ACER3: variants seen among roughly 807,000 people sequenced by gnomAD.
ACER3 encodes the protein alkCDase 3.
A neutral mutation model predicts 48.9 loss-of-function variants in ACER3; 16 were observed. The observed-to-expected ratio is 0.33, with a 90% CI of 0.22 to 0.50. ACER3 has a LOEUF of 0.50. Among genes scored for constraint, ACER3 ranks in the 20% least tolerant of loss-of-function variants. The probability of loss-of-function intolerance (pLI) is 0.98; values close to 1 mark genes in which losing one functional copy is unlikely to be tolerated. For synonymous variants in ACER3, 109 were observed against 107.8 expected (o/e 1.01, Z -0.07); for missense variants, 227 against 326.0 (o/e 0.70, Z 2.34).
intron 1 of ACER3, among the ~76,000 whole-genome samples, chr11:76,896,127 T>C (rs972473980): frequency 1.3e-5 from 2 of 152,204 alleles, no homozygotes; most frequent in African/African-American, 4.8e-5. Flanking sequence ...TTTTTAATTA[T>C]TGCCCCTTTA....
At position 76,933,522 on chromosome 11, in the gene ACER3, A is replaced by G. The variant is rs532394421; in HGVS notation, c.214+6855A>G. The stretch of plus-strand genomic sequence containing the variant: ...CTGCCTTCAAGCATCTGTTTAACAA[A>G]GCACATCTTGCACCGTCCTTAATCC... On this transcript the variant is annotated intron_variant, in intron 2 of 10. Coordinates refer to ENST00000532485, the MANE Select transcript of ACER3 (RefSeq NM_018367.7). Among the ~76,000 whole-genome samples the G allele has an allele frequency of 3.3e-4, 50 of 151,808 alleles. No individual in the cohort carries two copies. The East Asian group carries it at 9.1e-3, about 28-fold the overall frequency.
At chr11:76,999,925 T>C (rs1321236161) in intron 7 of ACER3, among the ~76,000 whole-genome samples, 1 of 152,160 alleles carries the variant, frequency 6.6e-6, no homozygotes, top group Non-Finnish European at 1.5e-5. Context: ...ACAATTGTAA[T>C]GCAGGTTTTT....
At chr11:76,924,085 G>C (rs560903054) in intron 1 of ACER3, among the ~76,000 whole-genome samples, 1 of 152,014 alleles carries the variant, frequency 6.6e-6, no homozygotes, top group African/African-American at 2.4e-5. Context: ...CCAAGGTCCC[G>C]CTGGGTACTC....
chr11:76,937,492 A>G (rs1471912839), intron 2 of ACER3, among the ~76,000 whole-genome samples: 1 of 152,232 alleles, frequency 6.6e-6, no homozygotes, highest in Non-Finnish European at 1.5e-5. Flanking sequence ...AAACTGGTAT[A>G]TGTACATCAC....
chr11:76,980,746 G>A (rs1948566378), intron 4 of ACER3, among the ~76,000 whole-genome samples: 1 of 152,134 alleles, frequency 6.6e-6, no homozygotes, highest in South Asian at 2.1e-4. Flanking sequence ...GAAGGATACT[G>A]ATAATGTAGA....
intron 2 of ACER3, among the ~76,000 whole-genome samples, chr11:76,953,279 T>C (rs898189050): frequency 6.6e-5 from 10 of 152,150 alleles, no homozygotes; most frequent in Non-Finnish European, 1.3e-4. Context: ...AAACAATCTT[T>C]TGGGATGCAG....
intron 2 of ACER3, among the ~76,000 whole-genome samples, chr11:76,937,960 T>C (rs541716196): frequency 6.8e-4 from 104 of 152,298 alleles, no homozygotes; most frequent in Non-Finnish European, 1.3e-3. Flanking sequence ...GGTATAGCAA[T>C]TCTGAAGCTG....
intron 1 of ACER3, among the ~76,000 whole-genome samples, chr11:76,903,101 A>G (rs902782818): frequency 2.0e-5 from 3 of 152,204 alleles, no homozygotes; most frequent in East Asian, 1.9e-4. Context: ...TAATTTTTTT[A>G]TATTTCCAAG....
chr11:76,879,131 G>GT (rs921008631), intron 1 of ACER3, among the ~76,000 whole-genome samples: 3 of 151,924 alleles, frequency 2.0e-5, no homozygotes, highest in African/African-American at 7.2e-5. Context: ...TTTTAAAGGT[G>GT]TTTTTTTGAT....
At chr11:76,957,942 A>T (rs55956901) in intron 2 of ACER3, among the ~76,000 whole-genome samples, 85,301 of 150,136 alleles carry the variant, frequency 0.57, 27,379 homozygotes, top group Non-Finnish European at 0.73. Context: ...GAATCTTTTT[A>T]TTTTTTAATT....
chr11:76,940,410 G>A (rs1047967448), intron 2 of ACER3, among the ~76,000 whole-genome samples: 3 of 152,074 alleles, frequency 2.0e-5, no homozygotes, highest in African/African-American at 7.2e-5. Flanking sequence ...TGGGAAATGG[G>A]TTAAAATATT....
chr11:76,976,876 G>C (rs909456694), intron 4 of ACER3, among the ~76,000 whole-genome samples: 3 of 152,052 alleles, frequency 2.0e-5, no homozygotes, highest in Admixed American at 2.0e-4. Flanking sequence ...CAGCTTACAG[G>C]CCATTCCCAA....
At chr11:76,864,669 G>A (rs1430808846) in intron 1 of ACER3, among the ~76,000 whole-genome samples, 2 of 139,056 alleles carry the variant, frequency 1.4e-5, no homozygotes, top group African/African-American at 2.6e-5. Flanking sequence ...TCGCGATCTC[G>A]GCTCACTGCA....
intron 1 of ACER3, among the ~76,000 whole-genome samples, chr11:76,874,011 G>A (rs918118344): frequency 3.9e-5 from 6 of 152,140 alleles, no homozygotes; most frequent in African/African-American, 1.4e-4. Flanking sequence ...TTTAGGTAGT[G>A]CAGAATATTC....
chr11:76,883,088 G>A (rs991202718), intron 1 of ACER3, among the ~76,000 whole-genome samples: 1 of 152,236 alleles, frequency 6.6e-6, no homozygotes, highest in East Asian at 1.9e-4. Flanking sequence ...CTTATCCCAA[G>A]GCTAAAAGCT....
At position 77,025,781 on chromosome 11, in the gene ACER3, A is replaced by C. The variant is rs1404897573; in HGVS notation, c.*5454A>C. 3 of 152,214 alleles carry C rather than the reference A, an allele frequency of 2.0e-5. No homozygotes were observed. Among genetic ancestry groups the C allele is most frequent in the Non-Finnish European group, 4.4e-5 (3 of 68,052 alleles). The allele number at this position is 152,214 out of a possible 1,614,324, so 9.4% of individuals were successfully genotyped here. On this transcript the variant is annotated 3_prime_UTR_variant, in exon 11 of 11. Transcript: ENST00000532485. ...CTGTATGTAGCCTGCAAAGCCTAAAATGTTTACTCTCTGGCTTGGGAGTTT... is the reference window on the plus strand; with the variant it reads ...CTGTATGTAGCCTGCAAAGCCTAAACTGTTTACTCTCTGGCTTGGGAGTTT...
chr11:76,926,309 G>A (rs4488228), intron 1 of ACER3, among the ~76,000 whole-genome samples: 86,888 of 151,940 alleles, frequency 0.57, 28,033 homozygotes, highest in Non-Finnish European at 0.74. Flanking sequence ...TAGAAATTAG[G>A]ATTTCCTTTA....
At chr11:76,875,615 C>T (rs368936097) in intron 1 of ACER3, among the ~76,000 whole-genome samples, 4 of 151,616 alleles carry the variant, frequency 2.6e-5, no homozygotes, top group African/African-American at 9.7e-5. Context: ...TCGAAGTAAA[C>T]TGCAGACATC....
intron 2 of ACER3, among the ~76,000 whole-genome samples, chr11:76,931,533 G>A (rs531480767): frequency 1.3e-5 from 2 of 152,310 alleles, no homozygotes; most frequent in South Asian, 2.1e-4. Context: ...TATTTTGGTC[G>A]TTAGTTGATG....
Sources: gnomAD v4.1 joint callset for allele counts (sites outside exome capture counted in the v4.1 genomes callset) on GRCh38, gnomAD v4.1.1 for gene constraint, MANE v1.5 for transcripts, NCBI Gene and HGNC (gene_info 2026-07-23, HGNC 2026-07-21) for gene names.